HPGDS: variants seen among roughly 807,000 people sequenced by gnomAD.
HPGDS encodes the protein hematopoietic prostaglandin D synthase, also known as GST class-sigma.
HPGDS carries 26 observed loss-of-function variants against 23.1 expected under a neutral mutation model. That is an observed-to-expected ratio of 1.13 (90% CI 0.83 to 1.56). The LOEUF (loss-of-function observed/expected upper bound fraction) is 1.56. Among genes scored for constraint, HPGDS ranks in the 40% most tolerant of loss-of-function variants. The pLI is 0.00. For missense variants in HPGDS, 268 were observed against 236.4 expected (o/e 1.13, Z -0.88); for synonymous variants, 95 against 77.9 (o/e 1.22, Z -1.16).
rs116682135 is a variant in HPGDS, at chr4:94,334,224, A to G, written c.133+273T>C. 7.2e-3 allele frequency: 1,872 copies of G among 258,742 alleles called. 28 individuals carry two copies. Among genetic ancestry groups the G allele is most frequent in the African/African-American group, 0.037 (1,680 of 45,232 alleles). The allele number at this position is 258,742 out of a possible 1,614,324, so 16.0% of individuals were successfully genotyped here. A position where few individuals can be genotyped will look rare whatever the true frequency, so the allele number is the denominator to read the frequency against. On this transcript the variant is annotated intron_variant, in intron 2 of 5. Coordinates refer to ENST00000295256, the MANE Select transcript of HPGDS (RefSeq NM_014485.3). ...TCCCAGTGACAAAATAGAAAAACAA[A>G]CAAACAAACAATGTCGCATGTTTAT...
intron 2 of HPGDS, among the ~76,000 whole-genome samples, chr4:94,325,947 C>G (rs1478727823): frequency 6.6e-6 from 1 of 151,412 alleles, no homozygotes; most frequent in Admixed American, 6.6e-5. Context: ...TGAAGGATAG[C>G]TTTGCTGGTT....
At chr4:94,328,223 A>G (rs1406402132) in intron 2 of HPGDS, among the ~76,000 whole-genome samples, 1 of 152,324 alleles carries the variant, frequency 6.6e-6, no homozygotes, top group East Asian at 1.9e-4. Context: ...TGTGCCTCAG[A>G]GGTTTCCCAT....
chr4:94,317,774 T>C (rs1458832029), intron 3 of HPGDS, 99 bp downstream of exon 3: 1 of 676,026 alleles, frequency 1.5e-6, no homozygotes, highest in Non-Finnish European at 2.6e-6. Context: ...TTCTTATTTG[T>C]ACTATAGTAT....
chr4:94,335,486 A>G (rs917468814), intron 1 of HPGDS, among the ~76,000 whole-genome samples: 6 of 152,218 alleles, frequency 3.9e-5, no homozygotes, highest in Non-Finnish European at 7.3e-5. Flanking sequence ...GTAAGATCAA[A>G]CAACTGAGAA....
chr4:94,335,223 C>T (rs1720975868), intron 1 of HPGDS, among the ~76,000 whole-genome samples: 1 of 152,182 alleles, frequency 6.6e-6, no homozygotes, highest in Non-Finnish European at 1.5e-5. Flanking sequence ...ATCCACGCTA[C>T]TGGGTTTTAC....
chr4:94,302,524 A>C (rs917150583), intron 4 of HPGDS, among the ~76,000 whole-genome samples: 4 of 151,990 alleles, frequency 2.6e-5, no homozygotes, highest in Non-Finnish European at 4.4e-5. Flanking sequence ...ACAAAATCTT[A>C]TTTTTTCTTA....
At position 94,319,611 on chromosome 4, in the gene HPGDS, AC is replaced by A. The variant is rs1420339087; in HGVS notation, c.134-1647del. On this transcript the variant is annotated intron_variant, in intron 2 of 5. Transcript: ENST00000295256. ...TCTTTCTCATTTATGTATCTGCTCT[AC>A]CAGTTAGTTTTATACTTTCATGTGT... Among the ~76,000 whole-genome samples the A allele has an allele frequency of 3.3e-5, 5 of 152,262 alleles. No homozygotes were observed. The East Asian group carries it at 9.7e-4, about 29-fold the overall frequency.
intron 2 of HPGDS, among the ~76,000 whole-genome samples, chr4:94,323,249 G>C (rs1391968317): frequency 6.6e-6 from 1 of 152,208 alleles, no homozygotes; most frequent in African/African-American, 2.4e-5. Flanking sequence ...GTTGATTTGG[G>C]GTGGAGAGTT....
At chr4:94,305,613 C>T (rs190206234) in intron 4 of HPGDS, among the ~76,000 whole-genome samples, 92 of 152,168 alleles carry the variant, frequency 6.0e-4, no homozygotes, top group Admixed American at 9.2e-4. Context: ...AATATTCATG[C>T]GCAGCTGTTT....
intron 3 of HPGDS, among the ~76,000 whole-genome samples, chr4:94,309,099 G>T (rs1756203522): frequency 7.8e-6 from 1 of 128,238 alleles, no homozygotes; most frequent in Non-Finnish European, 1.6e-5. Context: ...ATTCATTGAG[G>T]TAGATGCGCC....
At chr4:94,333,435 T>C (rs1236120519) in intron 2 of HPGDS, among the ~76,000 whole-genome samples, 1 of 152,192 alleles carries the variant, frequency 6.6e-6, no homozygotes, top group African/African-American at 2.4e-5. Flanking sequence ...GTGAGCTATC[T>C]CACACTGTGT....
intron 2 of HPGDS, among the ~76,000 whole-genome samples, chr4:94,332,105 C>T (rs1317611831): frequency 6.6e-6 from 1 of 152,082 alleles, no homozygotes; most frequent in African/African-American, 2.4e-5. Context: ...GAAAGAAAAG[C>T]GGCCCAGCTG....
intron 2 of HPGDS, among the ~76,000 whole-genome samples, chr4:94,328,729 C>T (rs1453885206): frequency 6.6e-6 from 1 of 152,162 alleles, no homozygotes; most frequent in East Asian, 1.9e-4. Flanking sequence ...GAAACATCAT[C>T]TTTTTAATGA....
intron 2 of HPGDS, among the ~76,000 whole-genome samples, chr4:94,322,765 A>G (rs1184746117): frequency 6.6e-6 from 1 of 151,860 alleles, no homozygotes; most frequent in African/African-American, 2.4e-5. Context: ...TGTCTCCTTC[A>G]GTTCTGTTCT....
chr4:94,336,490 C>T (rs1361650527), intron 1 of HPGDS, among the ~76,000 whole-genome samples: 3 of 152,158 alleles, frequency 2.0e-5, no homozygotes, highest in Non-Finnish European at 4.4e-5. Context: ...GAGCTACTGC[C>T]AATCATTCCT....
At chr4:94,311,388 A>T (rs1172351399) in intron 3 of HPGDS, among the ~76,000 whole-genome samples, 1 of 151,266 alleles carries the variant, frequency 6.6e-6, no homozygotes, top group Non-Finnish European at 1.5e-5. Flanking sequence ...GCATCTATTG[A>T]GATAATCATG....
Position 94,298,650 on chromosome 4 carries a change from G to A in HPGDS, c.*830C>T, listed in dbSNP as rs550376161. 6.6e-6 allele frequency: 1 copy of A among 152,298 alleles called. No individual in the cohort carries two copies. Among genetic ancestry groups the A allele is most frequent in the East Asian group, 1.9e-4 (1 of 5,188 alleles). 9.4% of individuals were successfully genotyped at this position (152,298 alleles called of 1,614,324 possible). A position where few individuals can be genotyped will look rare whatever the true frequency, so the allele number is the denominator to read the frequency against. The stretch of plus-strand genomic sequence containing the variant: ...TTTTACAAGTATTTTCTCCAAGTCT[G>A]TGGCTTGTCTTCTCCTTCTCTTGAT... On this transcript the variant is annotated 3_prime_UTR_variant, in exon 6 of 6. Transcript: ENST00000295256.
chr4:94,300,863 G>C (rs1184431549), intron 5 of HPGDS, among the ~76,000 whole-genome samples: 1 of 152,142 alleles, frequency 6.6e-6, no homozygotes, highest in Admixed American at 6.5e-5. Flanking sequence ...AAGCGTTCCA[G>C]GTATAGGGAA....
At chr4:94,321,369 A>G (rs1467231690) in intron 2 of HPGDS, among the ~76,000 whole-genome samples, 1 of 152,084 alleles carries the variant, frequency 6.6e-6, no homozygotes, top group Non-Finnish European at 1.5e-5. Context: ...GGCCATTTTC[A>G]CGATATTGAT....
Sources: gnomAD v4.1 joint callset for allele counts (sites outside exome capture counted in the v4.1 genomes callset) on GRCh38, gnomAD v4.1.1 for gene constraint, MANE v1.5 for transcripts, NCBI Gene and HGNC (gene_info 2026-07-23, HGNC 2026-07-21) for gene names.